Variants in GRIN2A observed in about 807,000 individuals in gnomAD.
GRIN2A encodes the protein glutamate receptor ionotropic, NMDA 2A.
In GRIN2A, 22 loss-of-function variants were observed where a neutral mutation model predicts 113.4. The ratio of observed to expected loss-of-function variants is 0.19; its 90% CI spans 0.14 to 0.28. The LOEUF is 0.28. Ranked by LOEUF, GRIN2A falls within the 10% of genes least tolerant of loss-of-function variation. The pLI is 1.00. For missense variants in GRIN2A, 1,502 were observed against 1,887.0 expected (o/e 0.80, Z 3.78); for synonymous variants, 827 against 738.4 (o/e 1.12, Z -1.94).
chr16:9,776,966 T>G (rs1423179520), intron 11 of GRIN2A, among the ~76,000 whole-genome samples: 2 of 152,166 alleles, frequency 1.3e-5, no homozygotes, highest in Non-Finnish European at 2.9e-5. Flanking sequence ...GGCCAAATCC[T>G]CTCCTTGCCC....
chr16:10,042,345 G>A (rs894754450), intron 2 of GRIN2A, among the ~76,000 whole-genome samples: 1 of 152,070 alleles, frequency 6.6e-6, no homozygotes, highest in African/African-American at 2.4e-5. Flanking sequence ...CTCACTCTGA[G>A]GAAGTTGGCT....
chr16:9,843,128 A>C (rs901317617), intron 5 of GRIN2A, among the ~76,000 whole-genome samples: 6 of 152,012 alleles, frequency 3.9e-5, no homozygotes, highest in African/African-American at 1.4e-4. Context: ...GGAAAGGAAG[A>C]AAGGAAAGAA....
At chr16:9,987,892 G>A (rs1030327316) in intron 2 of GRIN2A, among the ~76,000 whole-genome samples, 3 of 152,182 alleles carry the variant, frequency 2.0e-5, no homozygotes, top group Non-Finnish European at 4.4e-5. Flanking sequence ...ACTTGGGGCA[G>A]GAGGTTCTCT....
chr16:9,763,948 G>T lies in GRIN2A; in HGVS notation c.3596C>A (p.Pro1199Gln), dbSNP rs1900727114. The T allele has an allele frequency of 1.2e-6, 2 of 1,614,082 alleles. No homozygotes were observed. The highest frequency in any genetic ancestry group is 2.2e-5 in the East Asian group (1 of 44,858). The part of the protein sequence containing the change: ...KHFTLKDKGS[P>Q]HSETSERYRQ... ...GTATCGCTCGCTGGTCTCACTGTGC[G>T]GGGAACCCTTGTCTTTCAAGGTGAA... is the stretch of plus-strand genomic sequence containing the variant. Residue 1199 changes from proline to glutamine, a missense_variant, in exon 13 of 13, where the codon CCG becomes CAG. Around this residue, in one of 7 missense-constraint regions of GRIN2A, gnomAD observed 832 missense variants for 789.7 expected, o/e 1.05. Coordinates refer to ENST00000330684, the MANE Select transcript of GRIN2A (RefSeq NM_001134407.3).
intron 2 of GRIN2A, among the ~76,000 whole-genome samples, chr16:9,990,409 T>C (rs1220158435): frequency 2.0e-5 from 3 of 151,948 alleles, no homozygotes; most frequent in African/African-American, 7.3e-5. Flanking sequence ...GGGTCAAGGG[T>C]TGAAAAACTA....
At chr16:9,769,132 T>A in intron 11 of GRIN2A, 43 bp from the exon 12 acceptor site, 2 of 1,463,062 alleles carry the variant, frequency 1.4e-6, no homozygotes, top group Non-Finnish European at 1.9e-6. Flanking sequence ...GACCAGAACA[T>A]GCACTTTGGG....
chr16:10,009,472 G>A (rs967891107), intron 2 of GRIN2A, among the ~76,000 whole-genome samples: 3 of 152,160 alleles, frequency 2.0e-5, no homozygotes, highest in Admixed American at 6.5e-5. Context: ...TGCGCCACTC[G>A]AAACCATAAG....
chr16:9,886,888 G>T (rs1205465005), intron 4 of GRIN2A, among the ~76,000 whole-genome samples: 1 of 152,042 alleles, frequency 6.6e-6, no homozygotes, highest in East Asian at 1.9e-4. Flanking sequence ...AGGATTTAAG[G>T]TTTTGTTGTT....
At chr16:10,079,330 T>C (rs1036874914) in intron 2 of GRIN2A, among the ~76,000 whole-genome samples, 3 of 152,202 alleles carry the variant, frequency 2.0e-5, no homozygotes, top group African/African-American at 7.2e-5. Flanking sequence ...AGGGAAGGCC[T>C]CTTAAGGAGT....
At chr16:9,777,718 C>G (rs1901687843) in intron 11 of GRIN2A, among the ~76,000 whole-genome samples, 1 of 152,148 alleles carries the variant, frequency 6.6e-6, no homozygotes. Context: ...ATTAGTCGCA[C>G]AAGTTGGATG....
intron 3 of GRIN2A, among the ~76,000 whole-genome samples, chr16:9,931,414 T>A (rs1203874416): frequency 1.3e-5 from 2 of 152,220 alleles, no homozygotes; most frequent in East Asian, 3.8e-4. Flanking sequence ...TAAATGTATA[T>A]ACTTTAAGAT....
chr16:9,916,474 T>C (rs2044252302), intron 3 of GRIN2A, among the ~76,000 whole-genome samples: 1 of 152,300 alleles, frequency 6.6e-6, no homozygotes, highest in Middle Eastern at 3.4e-3. Flanking sequence ...ATACCACTTA[T>C]TGGGAAGGAA....
chr16:10,111,822 G>A, intron 2 of GRIN2A: 8 of 1,256,122 alleles, frequency 6.4e-6, no homozygotes, highest in Non-Finnish European at 6.9e-6. Flanking sequence ...TCACTGAGAT[G>A]GGCACCATGG....
At chr16:9,977,022 A>G (rs1368967782) in intron 2 of GRIN2A, among the ~76,000 whole-genome samples, 6 of 152,200 alleles carry the variant, frequency 3.9e-5, no homozygotes, top group Admixed American at 3.9e-4. Flanking sequence ...GACAACAAAG[A>G]AAGAGTTGAC....
intron 10 of GRIN2A, among the ~76,000 whole-genome samples, chr16:9,806,016 A>G (rs151012410): frequency 1.6e-3 from 243 of 152,372 alleles, no homozygotes; most frequent in Middle Eastern, 6.8e-3. Flanking sequence ...CTCTAAAGTC[A>G]GAGTTATACC....
At chr16:10,153,878 G>A (rs1011583926) in intron 2 of GRIN2A, among the ~76,000 whole-genome samples, 24 of 152,128 alleles carry the variant, frequency 1.6e-4, no homozygotes, top group Admixed American at 1.3e-3. Flanking sequence ...GTCAAACCCC[G>A]TGCTGAATGC....
chr16:9,828,757 G>A (rs2042432812), intron 9 of GRIN2A, among the ~76,000 whole-genome samples: 2 of 152,080 alleles, frequency 1.3e-5, no homozygotes, highest in Admixed American at 6.6e-5. Flanking sequence ...TTTTACTCCT[G>A]TCTTACTGAT....
At chr16:10,111,346 G>T (rs981549191) in intron 2 of GRIN2A, 4 of 408,534 alleles carry the variant, frequency 9.8e-6, no homozygotes, top group Middle Eastern at 7.9e-4. Flanking sequence ...AGGCGGCCGC[G>T]CGGGTGTTTG....
intron 3 of GRIN2A, among the ~76,000 whole-genome samples, chr16:9,912,566 A>C (rs2044165958): frequency 6.7e-6 from 1 of 150,262 alleles, no homozygotes; most frequent in Non-Finnish European, 1.5e-5. Flanking sequence ...CTTTGGACTT[A>C]AGAGTCCTTG....
Sources: gnomAD v4.1 joint callset for allele counts (sites outside exome capture counted in the v4.1 genomes callset) on GRCh38, gnomAD v4.1.1 for gene constraint, gnomAD v4.1.1 regional missense constraint, MANE v1.5 for transcripts, NCBI Gene and HGNC (gene_info 2026-07-23, HGNC 2026-07-21) for gene names.